Variants in INPP4B observed in about 807,000 individuals in gnomAD.
INPP4B encodes the protein inositol polyphosphate-4-phosphatase type II B.
INPP4B carries 55 observed loss-of-function variants against 122.5 expected under a neutral mutation model. The ratio of observed to expected loss-of-function variants is 0.45; its 90% CI spans 0.36 to 0.56. The LOEUF (loss-of-function observed/expected upper bound fraction) is 0.56. Among genes scored for constraint, INPP4B ranks in the 20% least tolerant of loss-of-function variants. The probability of loss-of-function intolerance (pLI) is 0.00; values close to 1 mark genes in which losing one functional copy is unlikely to be tolerated. For synonymous variants in INPP4B, 403 were observed against 388.7 expected (o/e 1.04, Z -0.43); for missense variants, 1,000 against 1,097.7 (o/e 0.91, Z 1.26).
At chr4:142,187,777 G>A (rs534715241) in intron 15 of INPP4B, among the ~76,000 whole-genome samples, 4 of 151,786 alleles carry the variant, frequency 2.6e-5, no homozygotes, top group African/African-American at 7.3e-5. Context: ...CACTTTTTTT[G>A]TAGAGACAGG....
chr4:142,234,931 G>C (rs1579382936), intron 12 of INPP4B, among the ~76,000 whole-genome samples: 1 of 152,144 alleles, frequency 6.6e-6, no homozygotes, highest in African/African-American at 2.4e-5. Context: ...GAAGAGAGAA[G>C]AGGGTAGGTG....
intron 3 of INPP4B, among the ~76,000 whole-genome samples, chr4:142,442,411 CAAAA>C (rs70949167): frequency 1.3e-5 from 1 of 78,646 alleles, no homozygotes; most frequent in Admixed American, 1.7e-4. Flanking sequence ...GACTCCATCT[CAAAA>C]AAAAAAAAAA....
chr4:142,065,741 C>T (rs1478797042), intron 25 of INPP4B, among the ~76,000 whole-genome samples: 1 of 152,010 alleles, frequency 6.6e-6, no homozygotes, highest in African/African-American at 2.4e-5. Flanking sequence ...TGAACAGGTA[C>T]TAAAATTATT....
At chr4:142,164,198 A>G (rs1821544160) in intron 16 of INPP4B, among the ~76,000 whole-genome samples, 1 of 151,896 alleles carries the variant, frequency 6.6e-6, no homozygotes, top group African/African-American at 2.4e-5. Context: ...GGATGAATGA[A>G]GAGAATTTCT....
At chr4:142,774,550 C>A (rs28391627) in intron 1 of INPP4B, among the ~76,000 whole-genome samples, 1,598 of 152,114 alleles carry the variant, frequency 0.011, 43 homozygotes, top group African/African-American at 0.037. Flanking sequence ...TATTTGAAGG[C>A]AGTAATTATA....
intron 21 of INPP4B, among the ~76,000 whole-genome samples, chr4:142,117,504 C>T (rs1164373174): frequency 2.0e-5 from 3 of 152,134 alleles, no homozygotes; most frequent in African/African-American, 7.2e-5. Context: ...AAGGCTGCTT[C>T]AACCTATGCA....
intron 2 of INPP4B, among the ~76,000 whole-genome samples, chr4:142,672,299 T>G (rs1428883961): frequency 5.9e-5 from 9 of 152,168 alleles, no homozygotes. Context: ...AAGTTTACTT[T>G]TACAAGAAAT....
intron 25 of INPP4B, among the ~76,000 whole-genome samples, chr4:142,056,869 T>A (rs751298624): frequency 3.9e-5 from 6 of 152,082 alleles, no homozygotes; most frequent in Admixed American, 3.3e-4. Context: ...GCAATACTAG[T>A]GAAAAGAGTA....
chr4:142,647,414 T>C (rs1752011066), intron 2 of INPP4B, among the ~76,000 whole-genome samples: 1 of 152,124 alleles, frequency 6.6e-6, no homozygotes, highest in Admixed American at 6.6e-5. Context: ...TTTTTATTGG[T>C]ACAAGAAGAT....
intron 2 of INPP4B, among the ~76,000 whole-genome samples, chr4:142,647,730 G>C (rs1426154273): frequency 6.6e-6 from 1 of 152,234 alleles, no homozygotes; most frequent in Non-Finnish European, 1.5e-5. Flanking sequence ...ATAGTCAGCT[G>C]AAGCAAATTA....
At chr4:142,641,447 G>A (rs934930603) in intron 2 of INPP4B, among the ~76,000 whole-genome samples, 3 of 143,250 alleles carry the variant, frequency 2.1e-5, no homozygotes, top group African/African-American at 7.9e-5. Flanking sequence ...AGGCCCCGTT[G>A]TGTGATGTTT....
intron 2 of INPP4B, among the ~76,000 whole-genome samples, chr4:142,608,342 T>C (rs530300799): frequency 2.6e-5 from 4 of 152,190 alleles, no homozygotes; most frequent in Non-Finnish European, 5.9e-5. Flanking sequence ...TTTGGCATTA[T>C]AGTGAGTTGG....
At chr4:142,120,579 A>T (rs368023694) in intron 21 of INPP4B, among the ~76,000 whole-genome samples, 1 of 152,108 alleles carries the variant, frequency 6.6e-6, no homozygotes, top group Non-Finnish European at 1.5e-5. Context: ...CGATGTGATT[A>T]TAAGTTAGAC....
At chr4:142,445,577 G>A (rs1812732994) in intron 3 of INPP4B, among the ~76,000 whole-genome samples, 1 of 152,158 alleles carries the variant, frequency 6.6e-6, no homozygotes, top group Non-Finnish European at 1.5e-5. Flanking sequence ...ACTGACAGAA[G>A]TGAAATAGAC....
At chr4:142,477,470 GA>G (rs60492626) in intron 2 of INPP4B, among the ~76,000 whole-genome samples, 3 of 149,082 alleles carry the variant, frequency 2.0e-5, no homozygotes, top group Non-Finnish European at 4.5e-5. Context: ...AAACTGGGAT[GA>G]AAAAAAAATA....
At chr4:142,051,110 T>C (rs1333078290) in intron 25 of INPP4B, among the ~76,000 whole-genome samples, 1 of 152,006 alleles carries the variant, frequency 6.6e-6, no homozygotes, top group Non-Finnish European at 1.5e-5. Flanking sequence ...TGCATATTTG[T>C]ATAAGTTAAA....
At chr4:142,570,868 C>T (rs956374553) in intron 2 of INPP4B, among the ~76,000 whole-genome samples, 68 of 151,764 alleles carry the variant, frequency 4.5e-4, no homozygotes, top group African/African-American at 1.6e-3. Context: ...CACTTTCACC[C>T]CTAAGACATA....
At chr4:142,820,892 G>T (rs1580994270) in intron 1 of INPP4B, among the ~76,000 whole-genome samples, 2 of 152,138 alleles carry the variant, frequency 1.3e-5, no homozygotes, top group East Asian at 1.9e-4. Context: ...CTTAAGGAAA[G>T]AATTTATTTA....
At chr4:142,784,155 G>C (rs1483053902) in intron 1 of INPP4B, among the ~76,000 whole-genome samples, 4 of 151,970 alleles carry the variant, frequency 2.6e-5, no homozygotes, top group African/African-American at 7.2e-5. Flanking sequence ...CTGATGTCAG[G>C]AGTTCTAGAC....
Sources: allele counts gnomAD v4.1 joint callset (sites outside exome capture counted in the v4.1 genomes callset), GRCh38; gene constraint gnomAD v4.1.1; transcripts MANE v1.5; gene names NCBI Gene and HGNC (gene_info 2026-07-23, HGNC 2026-07-21).